NAV3: variants seen among roughly 807,000 people sequenced by gnomAD.
The protein encoded by NAV3 is neuron navigator 3.
NAV3 carries 87 observed loss-of-function variants against 244.7 expected under a neutral mutation model. The ratio of observed to expected loss-of-function variants is 0.36; its 90% CI spans 0.30 to 0.42. The LOEUF is 0.42. Ranked by LOEUF, NAV3 falls within the 20% of genes least tolerant of loss-of-function variation. NAV3 has a pLI of 1.00. For missense variants in NAV3, 2,663 were observed against 2,893.3 expected, an observed-to-expected ratio of 0.92 and a Z score of 1.83; for synonymous variants, 1,126 against 1,042.2, an observed-to-expected ratio of 1.08 and a Z score of -1.55.
chr12:77,934,009 G>A (rs1889079592), intron 1 of NAV3, among the ~76,000 whole-genome samples: 1 of 152,072 alleles, frequency 6.6e-6, no homozygotes, highest in Non-Finnish European at 1.5e-5. Flanking sequence ...CTGTATAGTA[G>A]GAGAAAATGT....
chr12:78,005,393 T>C (rs1397925150), intron 7 of NAV3, among the ~76,000 whole-genome samples: 1 of 152,212 alleles, frequency 6.6e-6, no homozygotes, highest in East Asian at 1.9e-4. Flanking sequence ...AAACAGCCCT[T>C]TAAAACTGAA....
chr12:77,877,400 T>C (rs538480534), intron 1 of NAV3, among the ~76,000 whole-genome samples: 47 of 152,178 alleles, frequency 3.1e-4, no homozygotes, highest in Non-Finnish European at 5.7e-4. Flanking sequence ...CTTTACCAAT[T>C]ATTTCTAGTA....
At chr12:77,987,080 T>C (rs1413497326) in intron 5 of NAV3, among the ~76,000 whole-genome samples, 1 of 152,210 alleles carries the variant, frequency 6.6e-6, no homozygotes. Context: ...TTGATTTCTA[T>C]GTAAAGTAGA....
chr12:78,138,604 T>C (rs1321377355), intron 19 of NAV3, among the ~76,000 whole-genome samples: 1 of 152,144 alleles, frequency 6.6e-6, no homozygotes, highest in African/African-American at 2.4e-5. Context: ...AGACAAAATA[T>C]AACTACTCTC....
At chr12:77,810,113 A>G (rs1872207729) in intron 2 of NAV3, among the ~76,000 whole-genome samples, 1 of 152,232 alleles carries the variant, frequency 6.6e-6, no homozygotes, top group Admixed American at 6.5e-5. Flanking sequence ...AAGTAAGTTT[A>G]GAAATTTACT....
Position 78,117,158 on chromosome 12 carries a change from C to CTTATATATATATAT in NAV3, c.2769+254_2769+255insTTATATATATATAT, listed in dbSNP as rs1555292748. On this transcript the variant is annotated intron_variant, in intron 13 of 39. Coordinates refer to ENST00000397909, the MANE Select transcript of NAV3 (RefSeq NM_001024383.2). ...GCCAATTTTGAATAAACAGAAGCAG[C>CTTATATATATATAT]ATATATATATATATATATATATATA... 6.9e-3 allele frequency among the ~76,000 whole-genome samples: 484 copies of CTTATATATATATAT among 70,316 alleles called. 72 individuals carry two copies. The highest frequency in any genetic ancestry group is 0.01 in the Admixed American group (48 of 4,788). The allele number at this position is 70,316 out of a possible 152,430, so 46.1% of individuals were successfully genotyped here.
At chr12:77,837,463 A>G (rs1181737827) in intron 1 of NAV3, among the ~76,000 whole-genome samples, 1 of 152,042 alleles carries the variant, frequency 6.6e-6, no homozygotes, top group East Asian at 1.9e-4. Flanking sequence ...TGGGCCAAAC[A>G]CTTCATAGAG....
intron 12 of NAV3, among the ~76,000 whole-genome samples, chr12:78,066,095 A>G (rs555765483): frequency 3.3e-5 from 5 of 152,064 alleles, no homozygotes; most frequent in Non-Finnish European, 7.4e-5. Flanking sequence ...TAGAAAAGAA[A>G]TCACTAGCAA....
At chr12:77,897,221 C>T (rs1592931895) in intron 1 of NAV3, among the ~76,000 whole-genome samples, 1 of 152,158 alleles carries the variant, frequency 6.6e-6, no homozygotes, top group South Asian at 2.1e-4. Flanking sequence ...ATTGTGATTT[C>T]CCATGTCCAC....
At chr12:78,084,362 G>A (rs1333469633) in intron 12 of NAV3, among the ~76,000 whole-genome samples, 2 of 151,968 alleles carry the variant, frequency 1.3e-5, no homozygotes, top group Non-Finnish European at 2.9e-5. Context: ...AATATCCAAG[G>A]CTAAACCCTC....
intron 2 of NAV3, among the ~76,000 whole-genome samples, chr12:77,585,660 A>G (rs963046737): frequency 2.0e-5 from 3 of 152,286 alleles, no homozygotes; most frequent in African/African-American, 7.2e-5. Context: ...CACTCCTACG[A>G]GAACCTAACA....
intron 2 of NAV3, among the ~76,000 whole-genome samples, chr12:77,665,422 T>G (rs1328472017): frequency 6.6e-6 from 1 of 152,222 alleles, no homozygotes; most frequent in Non-Finnish European, 1.5e-5. Context: ...TTATTTCATG[T>G]TAATTTTTGT....
At chr12:78,006,196 C>T (rs1179597773) in intron 7 of NAV3, among the ~76,000 whole-genome samples, 1 of 151,840 alleles carries the variant, frequency 6.6e-6, no homozygotes, top group Non-Finnish European at 1.5e-5. Flanking sequence ...ATAAACACGT[C>T]CCCCCACAGC....
chr12:77,705,348 A>T (rs996260539), intron 2 of NAV3, among the ~76,000 whole-genome samples: 14 of 151,436 alleles, frequency 9.2e-5, no homozygotes, highest in South Asian at 8.3e-4. Flanking sequence ...TGAATCCAGG[A>T]GGTGGAGATT....
Position 78,177,767 on chromosome 12 carries a change from C to A in NAV3, c.5363+82C>A, listed in dbSNP as rs1048448178. 16 of 1,225,204 alleles carry A rather than the reference C, an allele frequency of 1.3e-5. No homozygotes were observed. In the African/African-American group the frequency reaches 2.4e-4, roughly 18 times the overall value. 75.9% of individuals were successfully genotyped at this position (1,225,204 alleles called of 1,614,324 possible). ...TGTTTGCTTTTGCTTTTTCTAAAAT[C>A]ACTCACATGCATTTCAACAATAAAT... On this transcript the variant is annotated intron_variant, in intron 28 of 39. Coordinates refer to ENST00000397909, the MANE Select transcript of NAV3 (RefSeq NM_001024383.2).
chr12:77,577,150 A>T (rs934533452), intron 2 of NAV3, among the ~76,000 whole-genome samples: 1 of 152,126 alleles, frequency 6.6e-6, no homozygotes, highest in Non-Finnish European at 1.5e-5. Flanking sequence ...TCGTGCTGTG[A>T]TTGTAGCATA....
intron 2 of NAV3, among the ~76,000 whole-genome samples, chr12:77,769,152 G>A (rs1388173734): frequency 6.6e-6 from 1 of 152,208 alleles, no homozygotes; most frequent in African/African-American, 2.4e-5. Flanking sequence ...GTAAATAGCT[G>A]AGTCCAAATT....
rs1327840973 is a variant in NAV3 at position 77,747,234 on chromosome 12, C to G, written c.72+174968C>G. Among the ~76,000 whole-genome samples, 5 of 152,102 alleles carry G rather than the reference C, an allele frequency of 3.3e-5. No homozygotes were observed. In the East Asian group the frequency reaches 9.6e-4, roughly 29 times the overall value. On this transcript the variant is annotated intron_variant, in intron 2 of 8. Transcript: ENST00000550042. ...TGTCTTTTGGCTGCATAAATGTCTT[C>G]TTTTGAGAAGTGTCTGTTCATATCC...
At chr12:78,157,856 G>T (rs1957371228) in intron 22 of NAV3, among the ~76,000 whole-genome samples, 1 of 151,826 alleles carries the variant, frequency 6.6e-6, no homozygotes, top group South Asian at 2.1e-4. Flanking sequence ...AGATAATAAA[G>T]AGTTGTTCTG....
Sources: gnomAD v4.1 joint callset for allele counts (sites outside exome capture counted in the v4.1 genomes callset) on GRCh38, gnomAD v4.1.1 for gene constraint, MANE v1.5 for transcripts, NCBI Gene and HGNC (gene_info 2026-07-23, HGNC 2026-07-21) for gene names.